Variants in PKHD1 observed in about 807,000 individuals in gnomAD.
PKHD1 encodes fibrocystin.
A neutral mutation model predicts 412.0 loss-of-function variants in PKHD1; 291 were observed. The ratio of observed to expected loss-of-function variants is 0.71; its 90% CI spans 0.64 to 0.78. PKHD1 has a LOEUF of 0.78. Ranked by LOEUF, PKHD1 falls within the 30% of genes least tolerant of loss-of-function variation. The probability of loss-of-function intolerance (pLI) is 0.00; values close to 1 mark genes in which losing one functional copy is unlikely to be tolerated. For synonymous variants in PKHD1, 1,777 were observed against 1,821.5 expected, an observed-to-expected ratio of 0.98 and a Z score of 0.62; for missense variants, 4,825 against 4,950.7, an observed-to-expected ratio of 0.97 and a Z score of 0.76.
chr6:51,788,134 C>A (rs1554240572), intron 53 of PKHD1, among the ~76,000 whole-genome samples: 1 of 152,056 alleles, frequency 6.6e-6, no homozygotes, highest in Non-Finnish European at 1.5e-5. Context: ...GCAAAATCAG[C>A]CCAATACAAC....
intron 35 of PKHD1, among the ~76,000 whole-genome samples, chr6:51,985,602 G>A (rs1796105372): frequency 6.6e-6 from 1 of 152,220 alleles, no homozygotes; most frequent in Middle Eastern, 3.4e-3. Flanking sequence ...GGTGGCAGAT[G>A]CCTGTAATCC....
chr6:51,899,407 G>A (rs573218046), intron 43 of PKHD1, among the ~76,000 whole-genome samples: 1 of 152,220 alleles, frequency 6.6e-6, no homozygotes, highest in East Asian at 1.9e-4. Flanking sequence ...CAGAGCCAAA[G>A]ACAAAAACCA....
chr6:52,053,724 A>G (rs1295507487), intron 20 of PKHD1, among the ~76,000 whole-genome samples: 1 of 152,170 alleles, frequency 6.6e-6, no homozygotes, highest in Non-Finnish European at 1.5e-5. Flanking sequence ...TTGATGAATC[A>G]CAAATTCTTG....
intron 32 of PKHD1, among the ~76,000 whole-genome samples, chr6:52,024,367 C>T (rs1205694855): frequency 6.6e-6 from 1 of 152,142 alleles, no homozygotes; most frequent in Non-Finnish European, 1.5e-5. Context: ...AGAATATGCA[C>T]AGTTTCCTTG....
intron 60 of PKHD1, among the ~76,000 whole-genome samples, chr6:51,698,154 G>A (rs1779017701): frequency 6.6e-6 from 1 of 152,192 alleles, no homozygotes; most frequent in Non-Finnish European, 1.5e-5. Context: ...TTACAAACAG[G>A]AAGAGGCTGA....
intron 60 of PKHD1, among the ~76,000 whole-genome samples, chr6:51,706,404 C>A (rs599511): frequency 6.6e-6 from 1 of 151,364 alleles, no homozygotes; most frequent in African/African-American, 2.4e-5. Flanking sequence ...CCCTTCCTTT[C>A]TGCTACAAAT....
chr6:52,042,777 T>C (rs1366748893), intron 27 of PKHD1, 82 bp downstream of exon 27: 18 of 1,241,866 alleles, frequency 1.4e-5, no homozygotes, highest in Non-Finnish European at 1.9e-5. Context: ...ATGGAATTCA[T>C]TACACAGAAG....
intron 60 of PKHD1, among the ~76,000 whole-genome samples, chr6:51,714,464 A>G (rs1370462709): frequency 6.6e-6 from 1 of 152,206 alleles, no homozygotes; most frequent in African/African-American, 2.4e-5. Flanking sequence ...GAAGTGCATG[A>G]CGGGCCAGAT....
chr6:51,776,884 C>G (rs1040388038), intron 53 of PKHD1, among the ~76,000 whole-genome samples: 8 of 152,028 alleles, frequency 5.3e-5, no homozygotes, highest in Admixed American at 3.3e-4. Context: ...AAAATTCATA[C>G]TTCTATGGTA....
intron 37 of PKHD1, among the ~76,000 whole-genome samples, chr6:51,920,295 C>T (rs1784486824): frequency 6.6e-6 from 1 of 152,196 alleles, no homozygotes; most frequent in South Asian, 2.1e-4. Context: ...GTTTGACATA[C>T]ATCCCGTCAA....
chr6:51,772,875 T>A, intron 54 of PKHD1, 86 bp from the exon 55 acceptor site: 1 of 785,080 alleles, frequency 1.3e-6, no homozygotes, highest in South Asian at 1.4e-5. Flanking sequence ...CAGAGGCTGT[T>A]GTGCAAAACA....
rs144387673 is a variant in PKHD1 at position 52,043,658 on chromosome 6, T to C, written c.2788A>G (p.Thr930Ala). Reference protein sequence around the residue: ...SCSFQYLQGSTPCVHSVWYSI... With the variant: ...SCSFQYLQGSAPCVHSVWYSI... ...TACCACACAGAATGGACACAGGGAG[T>C]TGACCCTTGGAGGTACTGGAAAGAG... Residue 930 changes from threonine to alanine, a missense_variant, in exon 26 of 67, where the codon ACT becomes GCT. By Grantham distance (58) the Thr-to-Ala change is moderately conservative (BLOSUM62 0). Coordinates refer to ENST00000371117, the MANE Select transcript of PKHD1 (RefSeq NM_138694.4). 10 of 1,612,818 alleles carry C rather than the reference T, an allele frequency of 6.2e-6. No homozygotes were observed. Among genetic ancestry groups the C allele is most frequent in the Non-Finnish European group, 8.5e-6 (10 of 1,179,198 alleles).
intron 49 of PKHD1, among the ~76,000 whole-genome samples, chr6:51,853,495 T>A (rs1258998777): frequency 2.6e-5 from 4 of 152,248 alleles, no homozygotes; most frequent in Non-Finnish European, 5.9e-5. Context: ...GAACTTCTCC[T>A]GAATAATATC....
At chr6:51,811,552 T>TG (rs2151395464) in intron 52 of PKHD1, among the ~76,000 whole-genome samples, 1 of 152,284 alleles carries the variant, frequency 6.6e-6, no homozygotes, top group South Asian at 2.1e-4. Flanking sequence ...CATCTTAGCA[T>TG]GGCATATAAG....
chr6:51,852,933 T>C (rs1007429794), intron 49 of PKHD1, among the ~76,000 whole-genome samples: 1 of 152,212 alleles, frequency 6.6e-6, no homozygotes, highest in African/African-American at 2.4e-5. Flanking sequence ...TTGTTATGTG[T>C]GAATTTGATC....
At chr6:51,809,310 C>T (rs1355654732) in intron 52 of PKHD1, among the ~76,000 whole-genome samples, 5 of 151,908 alleles carry the variant, frequency 3.3e-5, no homozygotes, top group Admixed American at 6.6e-5. Flanking sequence ...TTTACTGAAA[C>T]GTAGTATTTT....
At chr6:51,922,541 C>T (rs569966877) in intron 37 of PKHD1, among the ~76,000 whole-genome samples, 5 of 152,224 alleles carry the variant, frequency 3.3e-5, no homozygotes, top group East Asian at 3.8e-4. Flanking sequence ...TGCCCTGCCC[C>T]GAGAGGTAGA....
chr6:51,892,777 AC>A (rs1191238247), intron 43 of PKHD1, among the ~76,000 whole-genome samples: 2 of 152,238 alleles, frequency 1.3e-5, no homozygotes, highest in Non-Finnish European at 2.9e-5. Flanking sequence ...CATTAAAAAA[AC>A]ATTTATTAGC....
chr6:52,058,104 T>TA (rs1162613551), intron 16 of PKHD1, among the ~76,000 whole-genome samples: 3 of 152,220 alleles, frequency 2.0e-5, no homozygotes, highest in Non-Finnish European at 2.9e-5. Flanking sequence ...GCTTGGAACT[T>TA]AAATTCCTAA....
Sources: allele counts gnomAD v4.1 joint callset (sites outside exome capture counted in the v4.1 genomes callset), GRCh38; gene constraint gnomAD v4.1.1; transcripts MANE v1.5; gene names NCBI Gene and HGNC (gene_info 2026-07-23, HGNC 2026-07-21).